ANK2: variants seen among roughly 807,000 people sequenced by gnomAD.
ANK2 encodes the protein ankyrin-2.
ANK2 carries 83 observed loss-of-function variants against 360.5 expected under a neutral mutation model. The ratio of observed to expected loss-of-function variants is 0.23; its 90% CI spans 0.19 to 0.28. The LOEUF is 0.28. Ranked by LOEUF, ANK2 falls within the 10% of genes least tolerant of loss-of-function variation. ANK2 has a pLI of 1.00. For missense variants in ANK2, 4,201 were observed against 4,795.7 expected (o/e 0.88, Z 3.66); for synonymous variants, 1,740 against 1,759.5 (o/e 0.99, Z 0.28).
intron 11 of ANK2, among the ~76,000 whole-genome samples, chr4:113,256,949 G>C (rs1399132077): frequency 6.6e-6 from 1 of 152,186 alleles, no homozygotes; most frequent in African/African-American, 2.4e-5. Flanking sequence ...AAATATCACA[G>C]CCTGTTAATT....
the ANK2 span, among the ~76,000 whole-genome samples, chr4:112,781,855 A>G: frequency 7.1e-6 from 1 of 140,942 alleles, no homozygotes; most frequent in Non-Finnish European, 1.5e-5. Flanking sequence ...TTTGAGACAG[A>G]GTCTCACTCT....
the ANK2 span, among the ~76,000 whole-genome samples, chr4:112,790,979 AG>A: frequency 6.6e-6 from 1 of 152,226 alleles, no homozygotes; most frequent in Admixed American, 6.5e-5. Context: ...CACTTGTCTA[AG>A]AAAGACAGTG....
intron 9 of ANK2, among the ~76,000 whole-genome samples, chr4:113,244,813 T>G (rs560813187): frequency 6.0e-4 from 91 of 152,266 alleles, no homozygotes; most frequent in African/African-American, 2.1e-3. Flanking sequence ...CCCCTCCCTG[T>G]GTCCATGTGT....
intron 2 of ANK2, among the ~76,000 whole-genome samples, chr4:113,013,640 G>A (rs1048233119): frequency 4.6e-5 from 7 of 152,090 alleles, no homozygotes; most frequent in African/African-American, 1.7e-4. Context: ...ACATATATGT[G>A]TTTCCTTGGC....
At chr4:112,899,974 G>A (rs1158734549) in intron 1 of ANK2, among the ~76,000 whole-genome samples, 1 of 152,092 alleles carries the variant, frequency 6.6e-6, no homozygotes, top group East Asian at 1.9e-4. Context: ...CAAAATTTTG[G>A]TGTTGTTTTT....
the ANK2 span, among the ~76,000 whole-genome samples, chr4:112,774,376 A>T: frequency 3.0e-4 from 45 of 152,098 alleles, no homozygotes; most frequent in African/African-American, 1.1e-3. Context: ...AATAGAAAAC[A>T]TTAGGCAGGT....
At chr4:112,938,345 C>A (rs1276490889) in intron 2 of ANK2, among the ~76,000 whole-genome samples, 1 of 152,166 alleles carries the variant, frequency 6.6e-6, no homozygotes, top group African/African-American at 2.4e-5. Context: ...CTCCAGACTT[C>A]TTTTTTCCAT....
At position 112,969,009 on chromosome 4, in the gene ANK2, G is replaced by A. The variant is rs540434674; in HGVS notation, c.21+64495G>A. Among the ~76,000 whole-genome samples the A allele has an allele frequency of 1.6e-4, 24 of 152,272 alleles. No homozygotes were observed. The Middle Eastern group carries it at 0.01, about 65-fold the overall frequency. ...AATTATTCAGCTAGCCCTGTGTATAGTCCAGTAACTATGCTGAGGGCCTTG... is the reference window on the plus strand; with the variant it reads ...AATTATTCAGCTAGCCCTGTGTATAATCCAGTAACTATGCTGAGGGCCTTG... On this transcript the variant is annotated intron_variant, in intron 2 of 30. Coordinates refer to the ANK2 transcript ENST00000503271.
chr4:113,292,394 C>T (rs1563483562), intron 20 of ANK2, 22 bp from the exon 21 acceptor site: 2 of 1,597,982 alleles, frequency 1.3e-6, no homozygotes, highest in Non-Finnish European at 1.7e-6. Flanking sequence ...GGTGCTGGGC[C>T]CGCCACCACT....
intron 2 of ANK2, among the ~76,000 whole-genome samples, chr4:113,006,011 C>G (rs1428948411): frequency 6.6e-6 from 1 of 152,168 alleles, no homozygotes; most frequent in Non-Finnish European, 1.5e-5. Flanking sequence ...TTGCGTACAG[C>G]CTGCAGAACA....
intron 14 of ANK2, among the ~76,000 whole-genome samples, chr4:113,269,931 T>C (rs924771136): frequency 1.3e-5 from 2 of 152,248 alleles, no homozygotes; most frequent in Admixed American, 6.5e-5. Flanking sequence ...GTCTTGGTTT[T>C]CATCTGCCTT....
rs542795010 is a variant in ANK2 at position 113,199,105 on chromosome 4, C to A, written c.380C>A (p.Ser127Tyr). The stretch of plus-strand genomic sequence containing the variant: ...GAAGGAGCCAATATTAATGCACAGT[C>A]TCAGGTATTCCATTCAGATTTTCCC... ...VKEGANINAQ[S>Y]QNGFTPLYMA... The change falls in exon 4 of 46, where the codon TCT (serine) becomes TAT (tyrosine). Residue 127 changes from serine (S) to tyrosine (Y), a missense_variant. By Grantham distance (144) the Ser-to-Tyr change is moderately radical. Transcript: ENST00000357077. 1 of 1,605,334 alleles carries A rather than the reference C, an allele frequency of 6.2e-7. No homozygotes were observed. The highest frequency in any genetic ancestry group is 8.5e-7 in the Non-Finnish European group (1 of 1,172,242).
intron 4 of ANK2, among the ~76,000 whole-genome samples, chr4:113,229,009 C>T (rs1047268225): frequency 1.3e-5 from 2 of 152,192 alleles, no homozygotes; most frequent in Non-Finnish European, 2.9e-5. Flanking sequence ...CTATCCCTGA[C>T]TCCATCTGCC....
At chr4:112,824,347 C>T (rs1231914328) in intron 1 of ANK2, among the ~76,000 whole-genome samples, 2 of 152,056 alleles carry the variant, frequency 1.3e-5, no homozygotes, top group African/African-American at 2.4e-5. Context: ...GACAGGACTA[C>T]AACCATGACC....
chr4:113,245,900 G>C (rs1373070633), intron 9 of ANK2, among the ~76,000 whole-genome samples: 1 of 151,966 alleles, frequency 6.6e-6, no homozygotes, highest in Non-Finnish European at 1.5e-5. Context: ...CACCTCACTG[G>C]TTCAAGCAAT....
chr4:113,312,642 CTG>C lies in ANK2; in HGVS notation c.2693+1244_2693+1245del, dbSNP rs149201790. 3.5e-3 allele frequency among the ~76,000 whole-genome samples: 533 copies of C among 152,194 alleles called. 3 individuals carry two copies. Among genetic ancestry groups the C allele is most frequent in the African/African-American group, 0.012 (513 of 41,518 alleles). ...GCTTCCTGGAGCAGATGAAACCAAA[CTG>C]AGACCAAATAATGAGTAACAATGGT... is the stretch of plus-strand genomic sequence containing the variant. On this transcript the variant is annotated intron_variant, in intron 24 of 45. Coordinates refer to ENST00000357077, the MANE Select transcript of ANK2 (RefSeq NM_001148.6).
rs529240843 is a variant in ANK2 at position 113,176,858 on chromosome 4, G to C, written c.186+2341G>C. Among the ~76,000 whole-genome samples the C allele has an allele frequency of 5.9e-5, 9 of 152,132 alleles. No homozygotes were observed. In the South Asian group the frequency reaches 6.2e-4, roughly 11 times the overall value. ...AAGTGTTCTCATTGTTCAATTCCCA[G>C]TTATGAGTGAGAACATGCGGTGTTT... On this transcript the variant is annotated intron_variant, in intron 2 of 45. Transcript: ENST00000357077.
intron 4 of ANK2, among the ~76,000 whole-genome samples, chr4:113,209,065 T>C (rs1224753007): frequency 6.6e-6 from 1 of 151,852 alleles, no homozygotes; most frequent in Non-Finnish European, 1.5e-5. Flanking sequence ...ACAAATGGAT[T>C]AACATACATG....
chr4:112,897,770 G>A (rs895658005), intron 1 of ANK2, among the ~76,000 whole-genome samples: 3 of 152,104 alleles, frequency 2.0e-5, no homozygotes, highest in African/African-American at 7.2e-5. Context: ...AGCTAGCAGC[G>A]GCAGAATGCC....
Sources: gnomAD v4.1 joint callset for allele counts (sites outside exome capture counted in the v4.1 genomes callset) on GRCh38, gnomAD v4.1.1 for gene constraint, MANE v1.5 for transcripts, NCBI Gene and HGNC (gene_info 2026-07-23, HGNC 2026-07-21) for gene names.